Variants in SBNO1 observed in about 807,000 individuals in gnomAD.
SBNO1 encodes protein strawberry notch homolog 1.
SBNO1 carries 23 observed loss-of-function variants against 173.6 expected under a neutral mutation model. The ratio of observed to expected loss-of-function variants is 0.13; its 90% CI spans 0.10 to 0.19. The LOEUF (loss-of-function observed/expected upper bound fraction) is 0.19. SBNO1 is among the 10% of genes least tolerant of loss of function. SBNO1 has a pLI of 1.00. For missense variants in SBNO1, 1,238 were observed against 1,671.2 expected (o/e 0.74, Z 4.52); for synonymous variants, 632 against 571.5 (o/e 1.11, Z -1.51).
chr12:123,306,361 TG>T (rs1483090889), intron 28 of SBNO1, among the ~76,000 whole-genome samples: 1 of 152,182 alleles, frequency 6.6e-6, no homozygotes, highest in Non-Finnish European at 1.5e-5. Context: ...GGTGGCCTAA[TG>T]CAGTGGAGGT....
At chr12:123,319,364 A>G (rs1869692723) in intron 20 of SBNO1, among the ~76,000 whole-genome samples, 1 of 152,340 alleles carries the variant, frequency 6.6e-6, no homozygotes, top group Admixed American at 6.5e-5. Context: ...TACTTATTAT[A>G]TTCAATGATA....
intron 1 of SBNO1, among the ~76,000 whole-genome samples, chr12:123,359,987 T>C (rs1443625482): frequency 6.6e-6 from 1 of 152,184 alleles, no homozygotes; most frequent in East Asian, 1.9e-4. Flanking sequence ...AAGCCTGTAA[T>C]CCCAGCAGTT....
chr12:123,327,009 TTTTG>T, intron 13 of SBNO1, among the ~76,000 whole-genome samples: 1 of 152,294 alleles, frequency 6.6e-6, no homozygotes, highest in Admixed American at 6.5e-5. Flanking sequence ...TGTTTTTTGT[TTTTG>T]TTTTTGTTTT....
Position 123,320,830 on chromosome 12 carries a change from T to G in SBNO1, c.2360A>C (p.Lys787Thr). 6.3e-7 allele frequency: 1 copy of G among 1,594,186 alleles called. No homozygotes were observed. Among genetic ancestry groups the G allele is most frequent in the Non-Finnish European group, 8.5e-7 (1 of 1,172,634 alleles). The change falls in exon 18 of 32, where the codon AAA becomes ACA. Residue 787 changes from lysine to threonine, a missense_variant. Physicochemically the swap from Lys to Thr is moderately conservative, Grantham distance 78. Transcript: ENST00000602398. ...WLIRKDHKKN[K>T]EKKKKKSIDP... ...TATACTTTTCTTCTTTTTTTTCTCT[T>G]TGTTTTTCTTGTGGTCTTTTCTAAT...
At chr12:123,345,232 G>A (rs1566049481) in intron 4 of SBNO1, 26 bp downstream of exon 4, 2 of 1,578,978 alleles carry the variant, frequency 1.3e-6, no homozygotes, top group Non-Finnish European at 1.7e-6. Flanking sequence ...GAGAGAGAAA[G>A]TTGATACTAT....
chr12:123,345,682 CT>C (rs569051179), intron 3 of SBNO1, 112 bp from the exon 4 acceptor site: 63,166 of 595,674 alleles, frequency 0.11, 462 homozygotes, highest in Non-Finnish European at 0.11. Flanking sequence ...TTTATTATTG[CT>C]TTTTTTTTTT....
intron 30 of SBNO1, among the ~76,000 whole-genome samples, chr12:123,301,061 G>A (rs955176851): frequency 4.6e-5 from 7 of 151,316 alleles, no homozygotes; most frequent in African/African-American, 7.3e-5. Flanking sequence ...AGACAGGGGT[G>A]CAGTGCCACG....
At chr12:123,336,622 C>A (rs1161686195) in intron 5 of SBNO1, 131 bp from the exon 6 acceptor site, 2 of 610,918 alleles carry the variant, frequency 3.3e-6, no homozygotes, top group Non-Finnish European at 5.7e-6. Flanking sequence ...CCTCAATACT[C>A]CCTAAAATCT....
chr12:123,334,301 TATAAC>T (rs1871571990), intron 6 of SBNO1, 88 bp from the exon 7 acceptor site: 2 of 818,504 alleles, frequency 2.4e-6, no homozygotes, highest in Non-Finnish European at 3.8e-6. Context: ...ATGTTTTTCT[TATAAC>T]ATAGAAAAAT....
Position 123,304,624 on chromosome 12 carries a change from G to C in SBNO1, c.3726C>G (p.Leu1242=), listed in dbSNP as rs1447138558. The C allele has an allele frequency of 6.4e-7, 1 of 1,570,236 alleles. No homozygotes were observed. Residue 1242 remains leucine (L), a synonymous_variant, in exon 29 of 32, where the codon CTC becomes CTG. Coordinates refer to ENST00000602398, the MANE Select transcript of SBNO1 (RefSeq NM_001167856.3). ...TTAGATCAGCATAAATTTCTAATTTGAGCTGCTTCCCAGTATTTGGTCGAT... is the reference window on the plus strand; with the variant it reads ...TTAGATCAGCATAAATTTCTAATTTCAGCTGCTTCCCAGTATTTGGTCGAT... The part of the protein sequence containing the change: ...LVYRPNTGKQ[L]KLEIYADLKK...
intron 6 of SBNO1, among the ~76,000 whole-genome samples, chr12:123,335,335 A>G (rs1871710417): frequency 6.6e-6 from 1 of 152,214 alleles, no homozygotes; most frequent in Non-Finnish European, 1.5e-5. Context: ...GCTACTCAAG[A>G]GGCTGAAGCA....
At chr12:123,323,919 G>A in intron 15 of SBNO1, 88 bp from the exon 16 acceptor site, 1 of 1,025,246 alleles carries the variant, frequency 9.8e-7, no homozygotes, top group Non-Finnish European at 1.3e-6. Context: ...AATATACTTT[G>A]TTCAGTTTTA....
At chr12:123,296,762 T>C (rs769518535) in intron 31 of SBNO1, among the ~76,000 whole-genome samples, 1 of 152,060 alleles carries the variant, frequency 6.6e-6, no homozygotes, top group Non-Finnish European at 1.5e-5. Flanking sequence ...GGTTTCACGA[T>C]GTTGGCCAGG....
chr12:123,321,984 A>T (rs1870028960), intron 16 of SBNO1, among the ~76,000 whole-genome samples: 1 of 152,218 alleles, frequency 6.6e-6, no homozygotes, highest in African/African-American at 2.4e-5. Context: ...CTTCAAGTGC[A>T]CAAGTTTCAA....
chr12:123,327,091 C>T (rs1189494855), intron 13 of SBNO1, among the ~76,000 whole-genome samples: 3 of 152,064 alleles, frequency 2.0e-5, no homozygotes, highest in East Asian at 1.9e-4. Context: ...CAGCAACCTC[C>T]GCCTCCTGGG....
At chr12:123,343,422 C>T (rs1007469081) in intron 4 of SBNO1, among the ~76,000 whole-genome samples, 2 of 152,062 alleles carry the variant, frequency 1.3e-5, no homozygotes, top group Admixed American at 1.3e-4. Flanking sequence ...AGAAGTAGAA[C>T]ATGCAACACC....
At chr12:123,360,037 C>T (rs992463280) in intron 1 of SBNO1, among the ~76,000 whole-genome samples, 2 of 152,014 alleles carry the variant, frequency 1.3e-5, no homozygotes, top group Admixed American at 6.6e-5. Context: ...GTCAGGAGTT[C>T]GAGACCAGCC....
intron 24 of SBNO1, among the ~76,000 whole-genome samples, chr12:123,311,712 C>CTATATA (rs1468911576): frequency 7.2e-5 from 5 of 69,086 alleles, no homozygotes; most frequent in African/African-American, 2.8e-4. Flanking sequence ...ATCTATCTAT[C>CTATATA]TATCTATCTA....
chr12:123,338,824 G>A (rs1241747354), intron 5 of SBNO1, among the ~76,000 whole-genome samples: 1 of 151,970 alleles, frequency 6.6e-6, no homozygotes, highest in Non-Finnish European at 1.5e-5. Context: ...AGTGAGCTGA[G>A]ATTGCACCAC....
Sources: gnomAD v4.1 joint callset for allele counts (sites outside exome capture counted in the v4.1 genomes callset) on GRCh38, gnomAD v4.1.1 for gene constraint, MANE v1.5 for transcripts, NCBI Gene and HGNC (gene_info 2026-07-23, HGNC 2026-07-21) for gene names.